DNAI4: variants seen among roughly 807,000 people sequenced by gnomAD.
The protein encoded by DNAI4 is WD repeat domain 78.
In DNAI4, 85 loss-of-function variants were observed where a neutral mutation model predicts 105.8. That is an observed-to-expected ratio of 0.80 (90% CI 0.67 to 0.96). The LOEUF is 0.96. Ranked by LOEUF, DNAI4 falls within the 40% of genes least tolerant of loss-of-function variation. DNAI4 has a pLI of 0.00. For synonymous variants in DNAI4, 352 were observed against 331.5 expected, an observed-to-expected ratio of 1.06 and a Z score of -0.67; for missense variants, 1,014 against 1,005.6, an observed-to-expected ratio of 1.01 and a Z score of -0.11.
At chr1:66,826,028 C>T (rs1487688639) in intron 15 of DNAI4, among the ~76,000 whole-genome samples, 1 of 152,012 alleles carries the variant, frequency 6.6e-6, no homozygotes, top group African/African-American at 2.4e-5. Flanking sequence ...TTAGACAATC[C>T]TCTAATAACT....
intron 1 of DNAI4, among the ~76,000 whole-genome samples, chr1:66,912,320 T>A (rs1649719917): frequency 6.6e-6 from 1 of 151,358 alleles, no homozygotes; most frequent in African/African-American, 2.4e-5. Context: ...AAAAAAAAAA[T>A]TAGCTGAGTG....
intron 4 of DNAI4, among the ~76,000 whole-genome samples, chr1:66,877,317 C>G (rs1241910584): frequency 1.3e-5 from 2 of 152,104 alleles, no homozygotes; most frequent in Non-Finnish European, 2.9e-5. Context: ...GCTGTTTGGC[C>G]CCTACCTTGC....
At chr1:66,906,640 T>C (rs1649270625) in intron 1 of DNAI4, among the ~76,000 whole-genome samples, 1 of 152,174 alleles carries the variant, frequency 6.6e-6, no homozygotes, top group Non-Finnish European at 1.5e-5. Context: ...CAGTGCCTAG[T>C]ATACCATGGA....
At chr1:66,888,421 G>A (rs948751770) in intron 4 of DNAI4, among the ~76,000 whole-genome samples, 4 of 152,210 alleles carry the variant, frequency 2.6e-5, no homozygotes, top group East Asian at 1.9e-4. Flanking sequence ...ACGGCTGGGC[G>A]TGGTGGCTCA....
chr1:66,867,061 G>A (rs1315925179), intron 6 of DNAI4, among the ~76,000 whole-genome samples: 1 of 152,114 alleles, frequency 6.6e-6, no homozygotes, highest in Non-Finnish European at 1.5e-5. Flanking sequence ...AACCACCCCC[G>A]TGATTCAATT....
chr1:66,843,182 A>G lies in DNAI4; in HGVS notation c.1292-2511T>C, dbSNP rs775762107. Among the ~76,000 whole-genome samples, 166 of 133,270 alleles carry G rather than the reference A, an allele frequency of 1.2e-3. 1 individual carries two copies. The highest frequency in any genetic ancestry group is 1.7e-3 in the Non-Finnish European group (108 of 62,826). 87.4% of individuals were successfully genotyped at this position (133,270 alleles called of 152,430 possible). ...GCCACTGTACTCCAGCCTGGGTGAC[A>G]AAGCAAGACTCTGTCTCAAAAAAAA... is the stretch of plus-strand genomic sequence containing the variant. On this transcript the variant is annotated intron_variant, in intron 8 of 16. Transcript: ENST00000371026.
intron 16 of DNAI4, among the ~76,000 whole-genome samples, chr1:66,816,403 T>C (rs190707216): frequency 6.6e-6 from 1 of 151,992 alleles, no homozygotes; most frequent in Non-Finnish European, 1.5e-5. Flanking sequence ...AATGAAAAAA[T>C]TATAGGTCAT....
At chr1:66,889,151 A>T (rs1647382618) in intron 4 of DNAI4, among the ~76,000 whole-genome samples, 1 of 152,314 alleles carries the variant, frequency 6.6e-6, no homozygotes, top group East Asian at 1.9e-4. Context: ...TTCTTTTAAT[A>T]GAAATAATAT....
chr1:66,818,728 T>C (rs1274324611), intron 16 of DNAI4, among the ~76,000 whole-genome samples: 1 of 151,996 alleles, frequency 6.6e-6, no homozygotes, highest in Non-Finnish European at 1.5e-5. Flanking sequence ...AGACCAGCCA[T>C]GGCGAAACCC....
chr1:66,903,202 T>G (rs1265178533), intron 2 of DNAI4, among the ~76,000 whole-genome samples: 1 of 152,208 alleles, frequency 6.6e-6, no homozygotes, highest in East Asian at 1.9e-4. Flanking sequence ...TACTGGTGTA[T>G]TCTTTCCTTT....
chr1:66,916,402 C>T (rs570489455), intron 1 of DNAI4, among the ~76,000 whole-genome samples: 1 of 152,212 alleles, frequency 6.6e-6, no homozygotes, highest in East Asian at 1.9e-4. Flanking sequence ...ACTCCTGGGT[C>T]TAAAAGGACA....
rs1460533263 is a variant in DNAI4 at position 66,847,508 on chromosome 1, A to G, written c.1267T>C (p.Tyr423His). 1 of 1,613,166 alleles carries G rather than the reference A, an allele frequency of 6.2e-7. No homozygotes were observed. ...ENIFQPKLAA[Y>H]RQLPVLKEPE... ...CCTTTTAAAACAGGAAGCTGACGAT[A>G]AGCTGCAAGTTTGGGCTGAAATATA... Residue 423 changes from tyrosine to histidine, a missense_variant, in exon 8 of 17, where the codon TAT (tyrosine) becomes CAT (histidine). Transcript: ENST00000371026.
chr1:66,893,109 GAAAGAAAGAA>G, intron 3 of DNAI4, 110 bp downstream of exon 3: 1 of 487,328 alleles, frequency 2.1e-6, no homozygotes, highest in African/African-American at 2.0e-5. Flanking sequence ...AAGAAAGAAA[GAAAGAAAGAA>G]AGAAACTGGG....
intron 5 of DNAI4, among the ~76,000 whole-genome samples, chr1:66,873,720 T>A (rs1366360722): frequency 2.6e-5 from 4 of 152,204 alleles, no homozygotes; most frequent in Non-Finnish European, 1.5e-5. Context: ...GCTCTTTCAG[T>A]GTAAGGGTTG....
chr1:66,862,866 G>A (rs1209858968), intron 6 of DNAI4, among the ~76,000 whole-genome samples: 1 of 152,126 alleles, frequency 6.6e-6, no homozygotes, highest in African/African-American at 2.4e-5. Context: ...GGGCAAATAT[G>A]TTATAAAAAG....
Position 66,892,989 on chromosome 1 carries a change from GAAAGAA to G in DNAI4, c.530+234_530+239del, listed in dbSNP as rs1351480716. Among the ~76,000 whole-genome samples, 24 of 118,384 alleles carry G rather than the reference GAAAGAA, an allele frequency of 2.0e-4. 1 individual carries two copies. The highest frequency in any genetic ancestry group is 8.2e-4 in the African/African-American group (22 of 26,824). The allele number at this position is 118,384 out of a possible 152,430, so 77.7% of individuals were successfully genotyped here. ...AGAAAGAAAGAAAGAAAGAAAGAAA[GAAAGAA>G]AGAGAGAAAGAGAGAGAGGAAAGAA... On this transcript the variant is annotated intron_variant, in intron 3 of 16. Coordinates refer to ENST00000371026, the MANE Select transcript of DNAI4 (RefSeq NM_024763.5).
At chr1:66,824,501 G>A (rs1210129381) in intron 15 of DNAI4, among the ~76,000 whole-genome samples, 2 of 152,038 alleles carry the variant, frequency 1.3e-5, no homozygotes, top group African/African-American at 4.8e-5. Flanking sequence ...ACCTTGGGCA[G>A]TATGGCCATT....
chr1:66,830,162 A>G (rs1002537227), intron 13 of DNAI4, among the ~76,000 whole-genome samples: 1 of 152,146 alleles, frequency 6.6e-6, no homozygotes, highest in African/African-American at 2.4e-5. Context: ...TAGAAAAACA[A>G]GAACAAATTA....
At chr1:66,862,042 T>C in intron 7 of DNAI4, 105 bp downstream of exon 7, 1 of 1,124,646 alleles carries the variant, frequency 8.9e-7, no homozygotes, top group Non-Finnish European at 1.2e-6. Context: ...AAGTTGTACT[T>C]TTCATGGTCC....
Sources: gnomAD v4.1 joint callset for allele counts (sites outside exome capture counted in the v4.1 genomes callset) on GRCh38, gnomAD v4.1.1 for gene constraint, MANE v1.5 for transcripts, NCBI Gene and HGNC (gene_info 2026-07-23, HGNC 2026-07-21) for gene names.